Variants in AMD1 observed in about 807,000 individuals in gnomAD.
AMD1 encodes adenosylmethionine decarboxylase 1.
AMD1 carries 11 observed loss-of-function variants against 40.2 expected under a neutral mutation model. The observed-to-expected ratio is 0.27, with a 90% CI of 0.17 to 0.45. The LOEUF (loss-of-function observed/expected upper bound fraction) is 0.45, where lower values mean the gene tolerates loss of function less well. Ranked by LOEUF, AMD1 falls within the 20% of genes least tolerant of loss-of-function variation. AMD1 has a pLI of 1.00. For missense variants in AMD1, 257 were observed against 410.2 expected, an observed-to-expected ratio of 0.63 and a Z score of 3.23; for synonymous variants, 121 against 130.8, an observed-to-expected ratio of 0.93 and a Z score of 0.51.
chr6:110,834,624 A>T, the AMD1 span, among the ~76,000 whole-genome samples: 1 of 152,052 alleles, frequency 6.6e-6, no homozygotes, highest in African/African-American at 2.4e-5. Context: ...GGAGTTCAAG[A>T]TCAGTTTGGG....
the AMD1 span, among the ~76,000 whole-genome samples, chr6:110,832,136 C>A: frequency 5.3e-5 from 8 of 151,792 alleles, no homozygotes; most frequent in African/African-American, 1.9e-4. Flanking sequence ...GCCTCAGCCT[C>A]CTGAACTACA....
chr6:110,875,491 C>G (rs1785048304), intron 1 of AMD1: 1 of 335,442 alleles, frequency 3.0e-6, no homozygotes, highest in Non-Finnish European at 5.4e-6. Flanking sequence ...GGTAACGTCC[C>G]GCGCTGGGCG....
chr6:110,855,679 TGAGA>T, the AMD1 span, among the ~76,000 whole-genome samples: 2 of 152,148 alleles, frequency 1.3e-5, no homozygotes. Context: ...ATCTGGAGGC[TGAGA>T]GAAAGGTGCA....
the AMD1 span, among the ~76,000 whole-genome samples, chr6:110,867,132 AT>A: frequency 1.7e-5 from 2 of 120,532 alleles, no homozygotes; most frequent in African/African-American, 6.3e-5. Flanking sequence ...TTTCTAAACA[AT>A]TACTTTTTCT....
At chr6:110,892,542 A>G in intron 6 of AMD1, 99 bp downstream of exon 6, 1 of 1,521,776 alleles carries the variant, frequency 6.6e-7, no homozygotes, top group Non-Finnish European at 9.0e-7. Flanking sequence ...AACAAGTGCT[A>G]GTTTGTTACA....
Position 110,895,256 on chromosome 6 carries a change from T to C in AMD1, c.*1640T>C, listed in dbSNP as rs1473107178. Reference sequence around the variant, plus strand: ...TCAAGTGGTTGGAACACTGTTTGACTTTTATTTGAAGCATGTTGTTGATTG... The same window carrying C: ...TCAAGTGGTTGGAACACTGTTTGACCTTTATTTGAAGCATGTTGTTGATTG... On this transcript the variant is annotated 3_prime_UTR_variant, in exon 9 of 9. Transcript: ENST00000368885. 6.6e-6 allele frequency: 1 copy of C among 152,222 alleles called. No homozygotes were observed. Among genetic ancestry groups the C allele is most frequent in the Non-Finnish European group, 1.5e-5 (1 of 68,032 alleles). 9.4% of individuals were successfully genotyped at this position (152,222 alleles called of 1,614,324 possible). A position where few individuals can be genotyped will look rare whatever the true frequency, so the allele number is the denominator to read the frequency against.
intron 1 of AMD1, among the ~76,000 whole-genome samples, chr6:110,887,034 GTT>G (rs1008897323): frequency 5.3e-5 from 8 of 152,164 alleles, no homozygotes; most frequent in African/African-American, 1.9e-4. Flanking sequence ...AGTCATTCCA[GTT>G]TTTTGTGAGT....
At chr6:110,818,002 T>G in the AMD1 span, among the ~76,000 whole-genome samples, 2 of 152,162 alleles carry the variant, frequency 1.3e-5, no homozygotes, top group Non-Finnish European at 2.9e-5. Flanking sequence ...TCATATATTC[T>G]GAGAAATGCA....
At chr6:110,814,680 C>G in the AMD1 span, 20 of 538,064 alleles carry the variant, frequency 3.7e-5, no homozygotes, top group East Asian at 4.2e-4. Flanking sequence ...TGCGTTCCCC[C>G]AAGAGACTAG....
chr6:110,861,315 G>GCA, the AMD1 span, among the ~76,000 whole-genome samples: 1 of 150,562 alleles, frequency 6.6e-6, no homozygotes, highest in Non-Finnish European at 1.5e-5. Flanking sequence ...CCGAGATCAT[G>GCA]CCACTGCACT....
the AMD1 span, among the ~76,000 whole-genome samples, chr6:110,843,929 C>T: frequency 1.3e-5 from 2 of 152,130 alleles, no homozygotes; most frequent in African/African-American, 2.4e-5. Flanking sequence ...TATTGGGCCT[C>T]CCCAGATAAT....
chr6:110,880,049 A>G (rs1283743857), intron 1 of AMD1, among the ~76,000 whole-genome samples: 4 of 151,220 alleles, frequency 2.6e-5, no homozygotes, highest in Admixed American at 6.6e-5. Flanking sequence ...TCCGCCTCCC[A>G]GGTTCAAATG....
the AMD1 span, among the ~76,000 whole-genome samples, chr6:110,862,484 T>G: frequency 1.3e-5 from 2 of 151,292 alleles, no homozygotes; most frequent in Non-Finnish European, 1.5e-5. Flanking sequence ...TTTTTTTTTT[T>G]GAGACAGAGT....
the AMD1 span, among the ~76,000 whole-genome samples, chr6:110,851,458 A>ATTG: frequency 4.0e-5 from 6 of 150,030 alleles, no homozygotes; most frequent in African/African-American, 9.8e-5. Flanking sequence ...TGTTGTTTTC[A>ATTG]TTGTTGTTGT....
At chr6:110,884,160 G>T (rs1026256633) in intron 1 of AMD1, among the ~76,000 whole-genome samples, 2 of 152,192 alleles carry the variant, frequency 1.3e-5, no homozygotes, top group Non-Finnish European at 2.9e-5. Flanking sequence ...CATAGCAAAG[G>T]AGTTCATAAC....
chr6:110,893,954 AAG>A lies in AMD1; in HGVS notation c.*339_*340del. On this transcript the variant is annotated 3_prime_UTR_variant, in exon 9 of 9. Transcript: ENST00000368885. ...TTTATGCACAGTGTAATATTTCTCC[AAG>A]TATCATCCAAAATTCCCCACAGACA... is the stretch of plus-strand genomic sequence containing the variant. 8.9e-6 allele frequency: 2 copies of A among 223,540 alleles called. No homozygotes were observed. Among genetic ancestry groups the A allele is most frequent in the Non-Finnish European group, 1.8e-5 (2 of 110,050 alleles). 13.8% of individuals were successfully genotyped at this position (223,540 alleles called of 1,614,324 possible).
the AMD1 span, among the ~76,000 whole-genome samples, chr6:110,849,468 A>G: frequency 6.6e-6 from 1 of 152,246 alleles, no homozygotes; most frequent in Non-Finnish European, 1.5e-5. Flanking sequence ...AGTTTCATTA[A>G]AAAGGGCTAA....
the AMD1 span, among the ~76,000 whole-genome samples, chr6:110,860,824 AACACCCACCCACACACACAC>A: frequency 1.5e-5 from 2 of 133,468 alleles, no homozygotes; most frequent in African/African-American, 3.0e-5. Context: ...AACAAAACAA[AACACCCACCCACACACACAC>A]ACACACACAC....
At chr6:110,814,753 C>G in the AMD1 span, 6 of 645,244 alleles carry the variant, frequency 9.3e-6, no homozygotes, top group African/African-American at 1.1e-4. Flanking sequence ...TCCGAGCACT[C>G]GGAGGGCGCC....
Sources: allele counts gnomAD v4.1 joint callset (sites outside exome capture counted in the v4.1 genomes callset), GRCh38; gene constraint gnomAD v4.1.1; transcripts MANE v1.5; gene names NCBI Gene and HGNC (gene_info 2026-07-23, HGNC 2026-07-21).